SYN2: variants seen among roughly 807,000 people sequenced by gnomAD.
SYN2 encodes the protein synapsin-2.
A neutral mutation model predicts 50.9 loss-of-function variants in SYN2; 19 were observed. The observed-to-expected ratio is 0.37, with a 90% confidence interval of 0.26 to 0.55. The LOEUF is 0.55. Ranked by LOEUF, SYN2 falls within the 20% of genes least tolerant of loss-of-function variation. The pLI is 0.81. For missense variants in SYN2, 587 were observed against 576.4 expected, an observed-to-expected ratio of 1.02 and a Z score of -0.19; for synonymous variants, 255 against 224.9, an observed-to-expected ratio of 1.13 and a Z score of -1.20.
intron 1 of SYN2, among the ~76,000 whole-genome samples, chr3:12,096,908 C>A (rs1695947698): frequency 6.6e-6 from 1 of 152,014 alleles, no homozygotes; most frequent in African/African-American, 2.4e-5. Context: ...AGAGCACCAT[C>A]AAGTATACCA....
At chr3:12,091,913 C>T (rs1695838843) in intron 1 of SYN2, among the ~76,000 whole-genome samples, 1 of 152,122 alleles carries the variant, frequency 6.6e-6, no homozygotes, top group Admixed American at 6.6e-5. Flanking sequence ...GTTAAATCTT[C>T]TAATAACTTC....
At chr3:12,145,939 G>A in intron 4 of SYN2, 104 bp downstream of exon 4, 1 of 1,512,210 alleles carries the variant, frequency 6.6e-7, no homozygotes, top group Non-Finnish European at 9.0e-7. Context: ...AGCCCCAGGA[G>A]GGTCCCTACA....
In SYN2 at chr3:12,187,389, G is replaced by C. The variant is rs762457833; in HGVS notation, c.1390G>C (p.Gly464Arg). The C allele has an allele frequency of 1.9e-5, 29 of 1,547,558 alleles. No homozygotes were observed. The East Asian group carries it at 4.7e-4, about 25-fold the overall frequency. ...PPQGGPGQPQ[G>R]MQPPGKVLPP... ...CCTAGGGGGCCCTGGGCAACCCCAA[G>C]GAATGCAGCCCCCAGGCAAGGTGCT... The change falls in exon 12 of 13, where the codon GGA becomes CGA. Residue 464 changes from glycine to arginine, a missense_variant. Transcript: ENST00000621198.
chr3:12,065,791 A>G (rs760731149), intron 1 of SYN2, among the ~76,000 whole-genome samples: 9 of 152,162 alleles, frequency 5.9e-5, no homozygotes, highest in Non-Finnish European at 8.8e-5. Context: ...TCATAAACCA[A>G]ACCTCAGCAT....
chr3:12,052,881 A>G (rs915210632), intron 1 of SYN2, among the ~76,000 whole-genome samples: 1 of 152,190 alleles, frequency 6.6e-6, no homozygotes, highest in Admixed American at 6.5e-5. Flanking sequence ...CTCACATCCT[A>G]CTTATCTTCC....
chr3:12,019,052 C>T (rs1464137529), intron 1 of SYN2, among the ~76,000 whole-genome samples: 2 of 152,158 alleles, frequency 1.3e-5, no homozygotes, highest in Non-Finnish European at 2.9e-5. Context: ...GCCTCTTATT[C>T]TCTGTCTGTG....
At chr3:12,035,683 G>A (rs1441286902) in intron 1 of SYN2, among the ~76,000 whole-genome samples, 1 of 152,196 alleles carries the variant, frequency 6.6e-6, no homozygotes, top group Non-Finnish European at 1.5e-5. Flanking sequence ...ATTCAAAGAT[G>A]TTCTAGTTTG....
chr3:12,073,840 A>T (rs1269874987), intron 1 of SYN2, among the ~76,000 whole-genome samples: 1 of 152,144 alleles, frequency 6.6e-6, no homozygotes. Context: ...GTTGGTATCT[A>T]AATCATTTGT....
At chr3:12,140,491 G>T (rs1240060535) in intron 1 of SYN2, among the ~76,000 whole-genome samples, 160 bp from the exon 2 acceptor site, 1 of 152,230 alleles carries the variant, frequency 6.6e-6, no homozygotes, top group Non-Finnish European at 1.5e-5. Context: ...GAAATGGTTT[G>T]TCTTGTGGTG....
At position 12,161,622 on chromosome 3, in the gene SYN2, G is replaced by T; in HGVS notation, c.837+14G>T. The T allele has an allele frequency of 6.2e-7, 1 of 1,613,976 alleles. No individual in the cohort carries two copies. Among genetic ancestry groups the T allele is most frequent in the Non-Finnish European group, 8.5e-7 (1 of 1,179,874 alleles). On this transcript the variant is annotated intron_variant, in intron 6 of 12. Transcript: ENST00000621198. ...GGCATGGGCAAGGTGAGGCAGAGAG[G>T]CCTGCTGTGCTTCAGGGTTGAACCA...
At chr3:12,007,012 C>A (rs1693815711) in intron 1 of SYN2, among the ~76,000 whole-genome samples, 1 of 152,260 alleles carries the variant, frequency 6.6e-6, no homozygotes, top group East Asian at 1.9e-4. Flanking sequence ...TGTTTTGAGT[C>A]TTATTGCCAG....
chr3:12,183,111 C>T (rs1043862786), intron 10 of SYN2, among the ~76,000 whole-genome samples: 1 of 152,208 alleles, frequency 6.6e-6, no homozygotes, highest in Non-Finnish European at 1.5e-5. Context: ...CCCAGACTGC[C>T]CACACTGCCC....
intron 1 of SYN2, among the ~76,000 whole-genome samples, chr3:12,051,375 T>A (rs537565363): frequency 2.0e-5 from 3 of 146,362 alleles, no homozygotes; most frequent in Non-Finnish European, 4.5e-5. Context: ...TATGAGCTGC[T>A]ACATTGTTCT....
At chr3:12,069,934 G>A (rs1695307887) in intron 1 of SYN2, among the ~76,000 whole-genome samples, 1 of 151,796 alleles carries the variant, frequency 6.6e-6, no homozygotes, top group African/African-American at 2.4e-5. Context: ...AGCCTCCTGA[G>A]TAGCTGGGAC....
At chr3:12,058,893 A>G (rs1189149602) in intron 1 of SYN2, among the ~76,000 whole-genome samples, 4 of 152,160 alleles carry the variant, frequency 2.6e-5, no homozygotes. Flanking sequence ...TATAAACCCA[A>G]CTTCTAGGGA....
chr3:12,153,546 CTGA>C (rs2125227018), intron 5 of SYN2: 1 of 1,613,996 alleles, frequency 6.2e-7, no homozygotes, highest in East Asian at 2.2e-5. Flanking sequence ...AAACTCCTTC[CTGA>C]GAGGCAGGTG....
At chr3:12,183,790 G>T in intron 11 of SYN2, 1 of 1,062,460 alleles carries the variant, frequency 9.4e-7, no homozygotes. Context: ...TGAAATGGGA[G>T]TAGGGGGGTG....
intron 1 of SYN2, among the ~76,000 whole-genome samples, chr3:12,044,886 C>A (rs540594115): frequency 6.6e-6 from 1 of 152,210 alleles, no homozygotes; most frequent in African/African-American, 2.4e-5. Context: ...CTGTGCTAAT[C>A]TCTTTATATA....
At chr3:12,021,694 T>C (rs1361426410) in intron 1 of SYN2, among the ~76,000 whole-genome samples, 1 of 152,190 alleles carries the variant, frequency 6.6e-6, no homozygotes, top group Non-Finnish European at 1.5e-5. Flanking sequence ...AGATGAGGAA[T>C]GGGTAGCAGC....
Sources: gnomAD v4.1 joint callset for allele counts (sites outside exome capture counted in the v4.1 genomes callset) on GRCh38, gnomAD v4.1.1 for gene constraint, MANE v1.5 for transcripts, NCBI Gene and HGNC (gene_info 2026-07-23, HGNC 2026-07-21) for gene names.